The following C1orf198 variants were observed in gnomAD, a reference collection of about 807,000 sequenced individuals.
The protein encoded by C1orf198 is uncharacterized protein C1orf198.
In C1orf198, 17 loss-of-function variants were observed where a neutral mutation model predicts 31.4. That is an observed-to-expected ratio of 0.54 (90% CI 0.37 to 0.81). The LOEUF (loss-of-function observed/expected upper bound fraction) is 0.81. Among genes scored for constraint, C1orf198 ranks in the 40% least tolerant of loss-of-function variants. C1orf198 has a pLI of 0.00. For synonymous variants in C1orf198, 175 were observed against 193.8 expected (o/e 0.90, Z 0.81); for missense variants, 401 against 450.3 (o/e 0.89, Z 0.99).
At chr1:230,867,032 A>C (rs1433722909) in intron 1 of C1orf198, among the ~76,000 whole-genome samples, 2 of 152,166 alleles carry the variant, frequency 1.3e-5, no homozygotes, top group African/African-American at 4.8e-5. Context: ...GTCTCAGCAC[A>C]CCCAAGCCTG....
At position 230,838,190 on chromosome 1, in the gene C1orf198, T is replaced by A. The variant is rs1210362991; in HGVS notation, c.*1662A>T. 1 of 152,274 alleles carries A rather than the reference T, an allele frequency of 6.6e-6. No homozygotes were observed. Among genetic ancestry groups the A allele is most frequent in the Non-Finnish European group, 1.5e-5 (1 of 68,070 alleles). 9.4% of individuals were successfully genotyped at this position (152,274 alleles called of 1,614,324 possible). On this transcript the variant is annotated 3_prime_UTR_variant, in exon 4 of 4. Coordinates refer to ENST00000366663, the MANE Select transcript of C1orf198 (RefSeq NM_032800.3). The surrounding 1 kb of genome is among the most constrained non-coding windows in gnomAD (Gnocchi z 4.2). The stretch of plus-strand genomic sequence containing the variant: ...GCTGTGCCAACTGGGATTTCTAAGC[T>A]CCTTTTTCCCTCACCACCATGCTGA...
rs1669507599 is a variant in C1orf198 at position 230,843,581 on chromosome 1, C to T, written c.700G>A (p.Ala234Thr). Residue 234 changes from alanine (A) to threonine (T), a missense_variant, in exon 3 of 4, where the codon GCC becomes ACC. Transcript: ENST00000366663. This position sits in a 1 kb window ranked among gnomAD's most constrained non-coding sequence, Gnocchi z 4.9. ...ACCTTGGCCTCCCTGTCCTTCGGGG[C>T]AGGTTCCTGCCGGTAGCAGGGAGGC... ...VLPPCYRQEP[A>T]PKDREAKVER... 1 of 1,614,004 alleles carries T rather than the reference C, an allele frequency of 6.2e-7. No homozygotes were observed. The highest frequency in any genetic ancestry group is 1.7e-5 in the Admixed American group (1 of 59,998).
In C1orf198 at chr1:230,857,901, C is replaced by T. The variant is rs181651470; in HGVS notation, c.334-2183G>A. ...ATGTGCACAGTAAGATGACCCCCAT[C>T]CTCAGAGTGTTACAGTCACTGTCCT... On this transcript the variant is annotated intron_variant, in intron 1 of 3. Coordinates refer to ENST00000366663, the MANE Select transcript of C1orf198 (RefSeq NM_032800.3). The surrounding 1 kb of genome is among the most constrained non-coding windows in gnomAD (Gnocchi z 4.2). Among the ~76,000 whole-genome samples the T allele has an allele frequency of 1.3e-4, 20 of 152,326 alleles. No homozygotes were observed. Among genetic ancestry groups the T allele is most frequent in the African/African-American group, 4.6e-4 (19 of 41,574 alleles).
rs1288769899 is a variant in C1orf198, at chr1:230,843,153, T to G, written c.927+201A>C. ...TGGTAAACAAATTAGGGCACCCAGA[T>G]GGACTCGCAAAACTTGTCTTGTTGC... On this transcript the variant is annotated intron_variant, in intron 3 of 3. Coordinates refer to ENST00000366663, the MANE Select transcript of C1orf198 (RefSeq NM_032800.3). This position sits in a 1 kb window ranked among gnomAD's most constrained non-coding sequence, Gnocchi z 4.9. Among the ~76,000 whole-genome samples the G allele has an allele frequency of 6.6e-6, 1 of 152,212 alleles. No individual in the cohort carries two copies. The highest frequency in any genetic ancestry group is 1.5e-5 in the Non-Finnish European group (1 of 68,034).
In C1orf198 at chr1:230,857,878, G is replaced by A. The variant is rs1669916091; in HGVS notation, c.334-2160C>T. Among the ~76,000 whole-genome samples the A allele has an allele frequency of 1.3e-5, 2 of 152,192 alleles. No individual in the cohort carries two copies. The highest frequency in any genetic ancestry group is 2.9e-5 in the Non-Finnish European group (2 of 68,030). On this transcript the variant is annotated intron_variant, in intron 1 of 3. Transcript: ENST00000366663. This position sits in a 1 kb window ranked among gnomAD's most constrained non-coding sequence, Gnocchi z 4.2. ...CATAGTGTGTGCAACTAATGACCAT[G>A]TGCACAGTAAGATGACCCCCATCCT...
chr1:230,862,073 C>G (rs1159638874), intron 1 of C1orf198, among the ~76,000 whole-genome samples: 8 of 152,164 alleles, frequency 5.3e-5, no homozygotes, highest in Non-Finnish European at 1.0e-4. Flanking sequence ...TGTAGTGATG[C>G]CAGGTGGCCT....
chr1:230,860,474 G>A (rs149072993), intron 1 of C1orf198, among the ~76,000 whole-genome samples: 2 of 152,258 alleles, frequency 1.3e-5, no homozygotes, highest in East Asian at 3.9e-4. Flanking sequence ...ACTGACAGAT[G>A]ATGAATGCAT....
chr1:230,862,861 G>T (rs75440733), intron 1 of C1orf198, among the ~76,000 whole-genome samples: 92 of 152,274 alleles, frequency 6.0e-4, no homozygotes, highest in African/African-American at 2.1e-3. Flanking sequence ...TGGACTTTGG[G>T]TGGTAACGAC....
chr1:230,860,829 CTGTA>C, intron 1 of C1orf198, among the ~76,000 whole-genome samples: 1 of 152,292 alleles, frequency 6.6e-6, no homozygotes, highest in Non-Finnish European at 1.5e-5. Flanking sequence ...AACATTGAGA[CTGTA>C]CTAAATGCCT....
At chr1:230,842,376 C>G (rs1469875953) in intron 3 of C1orf198, among the ~76,000 whole-genome samples, 1 of 152,096 alleles carries the variant, frequency 6.6e-6, no homozygotes, top group Non-Finnish European at 1.5e-5. Flanking sequence ...GATAAAGAAA[C>G]TGTGGTATAT....
chr1:230,851,946 G>A (rs1262383179), intron 2 of C1orf198, among the ~76,000 whole-genome samples: 2 of 152,230 alleles, frequency 1.3e-5, no homozygotes, highest in Non-Finnish European at 2.9e-5. Context: ...CAGCAGTTGG[G>A]TGAGAAACCA....
At chr1:230,864,941 C>T (rs1670084434) in intron 1 of C1orf198, among the ~76,000 whole-genome samples, 1 of 152,154 alleles carries the variant, frequency 6.6e-6, no homozygotes. Context: ...AAAATAAAAA[C>T]TTTTCCCCTC....
At chr1:230,864,868 G>T (rs1202836860) in intron 1 of C1orf198, among the ~76,000 whole-genome samples, 1 of 152,162 alleles carries the variant, frequency 6.6e-6, no homozygotes, top group Non-Finnish European at 1.5e-5. Context: ...CAATTCAGAG[G>T]TGTGTGGGGT....
At chr1:230,849,838 C>A (rs1669694816) in intron 2 of C1orf198, among the ~76,000 whole-genome samples, 1 of 152,224 alleles carries the variant, frequency 6.6e-6, no homozygotes, top group African/African-American at 2.4e-5. Flanking sequence ...CTTCCCACCT[C>A]CCCTCCAAAG....
chr1:230,859,766 T>C, intron 1 of C1orf198, among the ~76,000 whole-genome samples: 1 of 152,286 alleles, frequency 6.6e-6, no homozygotes, highest in Non-Finnish European at 1.5e-5. Context: ...ACCTTGAGTA[T>C]TTGCTCTTCT....
At chr1:230,845,968 A>C (rs1452078837) in intron 2 of C1orf198, among the ~76,000 whole-genome samples, 1 of 152,204 alleles carries the variant, frequency 6.6e-6, no homozygotes, top group East Asian at 1.9e-4. Flanking sequence ...CATGATAATC[A>C]TTATTTTTAA....
chr1:230,865,424 G>C (rs1246990728), intron 1 of C1orf198, among the ~76,000 whole-genome samples: 1 of 152,190 alleles, frequency 6.6e-6, no homozygotes, highest in Non-Finnish European at 1.5e-5. Context: ...ATTTTTAAAG[G>C]AGTTGGTAAA....
At position 230,843,020 on chromosome 1, in the gene C1orf198, C is replaced by T. The variant is rs143510415; in HGVS notation, c.927+334G>A. ...TATGGACAGCTCCCAAAAAGAAGGC[C>T]CAACACAGCTTTGAGCTGTGACAGC... is the stretch of plus-strand genomic sequence containing the variant. On this transcript the variant is annotated intron_variant, in intron 3 of 3. Transcript: ENST00000366663. This position sits in a 1 kb window ranked among gnomAD's most constrained non-coding sequence, Gnocchi z 4.9. Among the ~76,000 whole-genome samples the T allele has an allele frequency of 4.7e-4, 71 of 152,332 alleles. No homozygotes were observed. The East Asian group carries it at 5.0e-3, about 11-fold the overall frequency.
chr1:230,868,889 A>G (rs1670192006), upstream of C1orf198: 1 of 154,026 alleles, frequency 6.5e-6, no homozygotes, highest in Non-Finnish European at 1.4e-5. Context: ...AATTCCCGGT[A>G]GTGACCGCCA....
Sources: gnomAD v4.1 joint callset for allele counts (sites outside exome capture counted in the v4.1 genomes callset) on GRCh38, gnomAD v4.1.1 for gene constraint, Gnocchi (gnomAD v3.1) non-coding constraint, MANE v1.5 for transcripts, NCBI Gene and HGNC (gene_info 2026-07-23, HGNC 2026-07-21) for gene names.